The following MYOC variants were observed in gnomAD, a reference collection of about 807,000 sequenced individuals.
MYOC encodes the protein myocilin.
A neutral mutation model predicts 28.2 loss-of-function variants in MYOC; 29 were observed. That is an observed-to-expected ratio of 1.03 (90% CI 0.77 to 1.40). The LOEUF is 1.40. Among genes scored for constraint, MYOC ranks in the 40% most tolerant of loss-of-function variants. The pLI, the probability that MYOC is intolerant of heterozygous loss-of-function variation, is 0.00. For missense variants in MYOC, 569 were observed against 620.6 expected, an observed-to-expected ratio of 0.92 and a Z score of 0.88; for synonymous variants, 240 against 245.6, an observed-to-expected ratio of 0.98 and a Z score of 0.21.
intron 1 of MYOC, among the ~76,000 whole-genome samples, chr1:171,649,188 A>G (rs529919115): frequency 6.6e-6 from 1 of 152,290 alleles, no homozygotes; most frequent in Non-Finnish European, 1.5e-5. Context: ...TTTCTACATA[A>G]CAACTATTAA....
chr1:171,651,923 G>T lies in MYOC; in HGVS notation c.604+85C>A, dbSNP rs988996506. 1.8e-5 allele frequency: 28 copies of T among 1,588,416 alleles called. No individual in the cohort carries two copies. The East Asian group carries it at 4.7e-4, about 27-fold the overall frequency. The stretch of plus-strand genomic sequence containing the variant: ...GTGCAGTCTCTAGGAGAAAGGGCAG[G>T]CAGGGAGGCCTGGAGCGCCTGTAGC... On this transcript the variant is annotated intron_variant, in intron 1 of 2. Coordinates refer to ENST00000037502, the MANE Select transcript of MYOC (RefSeq NM_000261.2).
chr1:171,636,219 G>A lies in MYOC; in HGVS notation c.1221C>T (p.Asn407=). Residue 407 remains asparagine (N), a synonymous_variant, in exon 3 of 3, where the codon AAC becomes AAT. Transcript: ENST00000037502. ...TTTGTTCGAGTTCCAGATTCTCTGGGTTCAGTTTGGAGAGGACAATGGCAC... is the reference window on the plus strand; with the variant it reads ...TTTGTTCGAGTTCCAGATTCTCTGGATTCAGTTTGGAGAGGACAATGGCAC... ...AKGAIVLSKL[N]PENLELEQTW... 1 of 1,614,186 alleles carries A rather than the reference G, an allele frequency of 6.2e-7. No individual in the cohort carries two copies. The highest frequency in any genetic ancestry group is 8.5e-7 in the Non-Finnish European group (1 of 1,180,038).
intron 1 of MYOC, chr1:171,643,253 C>T (rs1653120142): frequency 6.6e-6 from 1 of 152,452 alleles, no homozygotes; most frequent in Non-Finnish European, 1.5e-5. Flanking sequence ...CAACACACAC[C>T]TCCGGCAGGG....
chr1:171,652,545 GA>G lies in MYOC; in HGVS notation c.66del (p.Leu23TrpfsTer61), dbSNP rs746891195. On this transcript the variant is annotated frameshift_variant, in exon 1 of 3. Coordinates refer to ENST00000037502, the MANE Select transcript of MYOC (RefSeq NM_000261.2). LOFTEE classifies it high-confidence loss of function. ...CCCACATCCCACACCAGGCAGGCCA[GA>G]AGCAGCAGCTGGACAGCTGGCATCT... ...GPEMPAVQLL[L>X]LACLVWDVGA... 9.3e-5 allele frequency: 150 copies of G among 1,614,094 alleles called. No individual in the cohort carries two copies. Among genetic ancestry groups the G allele is most frequent in the Admixed American group, 1.2e-4 (7 of 60,004 alleles).
chr1:171,650,543 T>C (rs967558662), intron 1 of MYOC, among the ~76,000 whole-genome samples: 1 of 152,242 alleles, frequency 6.6e-6, no homozygotes, highest in African/African-American at 2.4e-5. Context: ...TTCTTTGTTA[T>C]GTTATGGACA....
intron 2 of MYOC, 93 bp downstream of exon 2, chr1:171,638,504 G>A (rs1652987855): frequency 2.7e-6 from 4 of 1,464,640 alleles, no homozygotes; most frequent in Non-Finnish European, 3.8e-6. Flanking sequence ...TCCCCCTTGG[G>A]TGGGCATTTA....
At chr1:171,643,235 T>G (rs1054624202) in intron 1 of MYOC, among the ~76,000 whole-genome samples, 1 of 152,188 alleles carries the variant, frequency 6.6e-6, no homozygotes, top group Non-Finnish European at 1.5e-5. Flanking sequence ...CTTCTCCCCC[T>G]GTGCAGGCAA....
At chr1:171,642,212 G>GTGGCTGCAGT (rs1322771405) in intron 1 of MYOC, among the ~76,000 whole-genome samples, 3 of 152,218 alleles carry the variant, frequency 2.0e-5, no homozygotes, top group Admixed American at 1.3e-4. Context: ...CTGCCTCTGT[G>GTGGCTGCAGT]TGGCTGCAGT....
chr1:171,638,314 A>G (rs768671898), intron 2 of MYOC, among the ~76,000 whole-genome samples: 11 of 152,186 alleles, frequency 7.2e-5, no homozygotes, highest in African/African-American at 2.4e-4. Flanking sequence ...GATGAAATCA[A>G]CACATCTCTC....
intron 1 of MYOC, among the ~76,000 whole-genome samples, chr1:171,644,994 T>C (rs1439727023): frequency 6.6e-6 from 1 of 152,126 alleles, no homozygotes; most frequent in Non-Finnish European, 1.5e-5. Flanking sequence ...TGAGGAGGTG[T>C]GTCAGTTATA....
In MYOC at chr1:171,636,322, C is replaced by G; in HGVS notation, c.1118G>C (p.Trp373Ser). ...CAAGTCAATGTCCGTGTAGCCACCC[C>G]AAGAATACGGGAACTGTCCGTGGTA... ...AGYHGQFPYS[W>S]GGYTDIDLAV... Residue 373 changes from tryptophan (W) to serine (S), a missense_variant, in exon 3 of 3, where the codon TGG becomes TCG. Coordinates refer to ENST00000037502, the MANE Select transcript of MYOC (RefSeq NM_000261.2). 6.2e-7 allele frequency: 1 copy of G among 1,614,052 alleles called. No individual in the cohort carries two copies.
chr1:171,635,762 T>C lies in MYOC; in HGVS notation c.*163A>G, dbSNP rs1258725967. Reference sequence around the variant, plus strand: ...GTCTACGCCCTCAGACTACAATTCCTGAATAGTTAGATGGTGACCATGTTC... The same window carrying C: ...GTCTACGCCCTCAGACTACAATTCCCGAATAGTTAGATGGTGACCATGTTC... On this transcript the variant is annotated 3_prime_UTR_variant, in exon 3 of 3. Transcript: ENST00000037502. 4.3e-6 allele frequency: 3 copies of C among 695,108 alleles called. No individual in the cohort carries two copies. The highest frequency in any genetic ancestry group is 7.5e-6 in the Non-Finnish European group (3 of 402,006). The allele number at this position is 695,108 out of a possible 1,614,324, so 43.1% of individuals were successfully genotyped here.
intron 1 of MYOC, among the ~76,000 whole-genome samples, chr1:171,645,254 C>T (rs1466268239): frequency 6.6e-6 from 1 of 152,180 alleles, no homozygotes; most frequent in Non-Finnish European, 1.5e-5. Context: ...CACAGCCTGG[C>T]CATAACCTTT....
intron 1 of MYOC, among the ~76,000 whole-genome samples, chr1:171,642,025 G>A (rs1293046909): frequency 2.0e-5 from 3 of 152,192 alleles, no homozygotes; most frequent in African/African-American, 7.2e-5. Context: ...CTGGGGTTCA[G>A]CTTCAACAAA....
chr1:171,636,469 C>T lies in MYOC; in HGVS notation c.971G>A (p.Ser324Asn). The T allele has an allele frequency of 6.2e-7, 1 of 1,614,078 alleles. No individual in the cohort carries two copies. The highest frequency in any genetic ancestry group is 2.2e-5 in the East Asian group (1 of 44,882). The change falls in exon 3 of 3, where the codon AGC (serine) becomes AAC (asparagine). Residue 324 changes from serine to asparagine, a missense_variant. By Grantham distance (46) the Ser-to-Asn change is conservative. Transcript: ENST00000037502. ...CCCCGAGTACACCACAGCACCCGTG[C>T]TTTCCAGTGGCCTAGGCAGTATGTG... ...KVHILPRPLESTGAVVYSGSL... is the reference protein window; with the variant it reads ...KVHILPRPLENTGAVVYSGSL...
At chr1:171,640,275 G>C (rs59256724) in intron 1 of MYOC, among the ~76,000 whole-genome samples, 7,213 of 152,044 alleles carry the variant, frequency 0.047, 599 homozygotes, top group African/African-American at 0.17. Flanking sequence ...AGTTTGGGGT[G>C]GGGGTGGTGA....
intron 1 of MYOC, among the ~76,000 whole-genome samples, chr1:171,648,791 G>A (rs1309050770): frequency 1.3e-5 from 2 of 150,390 alleles, no homozygotes; most frequent in Non-Finnish European, 3.0e-5. Flanking sequence ...AGGTTCAAGC[G>A]ATTCTCCTGC....
rs778512772 is a variant in MYOC at position 171,638,623 on chromosome 1, T to C, written c.704A>G (p.Tyr235Cys). 4 of 1,614,198 alleles carry C rather than the reference T, an allele frequency of 2.5e-6. No individual in the cohort carries two copies. The highest frequency in any genetic ancestry group is 1.1e-5 in the South Asian group (1 of 91,084). Residue 235 changes from tyrosine to cysteine, a missense_variant, in exon 2 of 3, where the codon TAT (tyrosine) becomes TGT (cysteine). Coordinates refer to ENST00000037502, the MANE Select transcript of MYOC (RefSeq NM_000261.2). ...GGTGTCTCCCTCTCCACTCCTGAGA[T>C]AGCCAGATGGGCTCTCCTTCAAAAT... ...SRILKESPSG[Y>C]LRSGEGDTGC... is the part of the protein sequence containing the mutation.
At chr1:171,644,448 A>G (rs1315732281) in intron 1 of MYOC, among the ~76,000 whole-genome samples, 1 of 152,120 alleles carries the variant, frequency 6.6e-6, no homozygotes, top group African/African-American at 2.4e-5. Flanking sequence ...GGAGAAAATT[A>G]AGAAAGAAAT....
Sources: gnomAD v4.1 joint callset for allele counts (sites outside exome capture counted in the v4.1 genomes callset) on GRCh38, gnomAD v4.1.1 for gene constraint, MANE v1.5 for transcripts, NCBI Gene and HGNC (gene_info 2026-07-23, HGNC 2026-07-21) for gene names.